Variants in LINC00632 observed in about 807,000 individuals in gnomAD.
LINC00632 encodes long independently transcribed non-coding RNA 632.
chrX:140,732,487 C>A (rs1378599600), intron 2 of LINC00632, among the ~76,000 whole-genome samples: 3 of 111,751 alleles, frequency 2.7e-5, no homozygotes, highest in Admixed American at 1.9e-4. Context: ...CAGACTTGCA[C>A]CCTCACGTGT....
At chrX:140,724,876 TACACACACATTCCATACAC>T (rs765492273) in intron 2 of LINC00632, among the ~76,000 whole-genome samples, 7 of 75,009 alleles carry the variant, frequency 9.3e-5, no homozygotes, top group Non-Finnish European at 1.3e-4. Flanking sequence ...ACACATTCCA[TACACACACATTCCATACAC>T]ACACACACAC....
intron 2 of LINC00632, among the ~76,000 whole-genome samples, chrX:140,723,640 C>T (rs796277103): frequency 2.3e-5 from 1 of 43,534 alleles, no homozygotes; most frequent in African/African-American, 8.4e-5. Flanking sequence ...TACACACACA[C>T]ATTCCATACA....
chrX:140,721,981 T>C (rs1450902738), intron 2 of LINC00632, among the ~76,000 whole-genome samples: 1 of 110,657 alleles, frequency 9.0e-6, no homozygotes, highest in Non-Finnish European at 1.9e-5. Context: ...CAATCAGACT[T>C]GCCTGGCAAC....
intron 2 of LINC00632, among the ~76,000 whole-genome samples, chrX:140,720,392 C>T (rs1042823722): frequency 6.3e-5 from 7 of 111,430 alleles, no homozygotes; most frequent in Non-Finnish European, 1.1e-4. Context: ...TTATGCCACA[C>T]CTAGAATGAC....
intron 3 of LINC00632, among the ~76,000 whole-genome samples, chrX:140,743,542 A>T (rs1228723428): frequency 2.7e-5 from 3 of 110,845 alleles, no homozygotes; most frequent in Non-Finnish European, 5.7e-5. Flanking sequence ...ACCCAACATG[A>T]GTTGCGTGTG....
intron 2 of LINC00632, among the ~76,000 whole-genome samples, chrX:140,718,723 T>G (rs1691912924): frequency 8.9e-6 from 1 of 111,898 alleles, no homozygotes; most frequent in South Asian, 3.7e-4. Flanking sequence ...ACTGTACCTA[T>G]TCCGTAACGC....
chrX:140,781,687 C>T (rs1230917432), exon 5 of LINC00632, among the ~76,000 whole-genome samples: 2 of 111,646 alleles, frequency 1.8e-5, no homozygotes, highest in East Asian at 5.7e-4. Flanking sequence ...CTGGAATGTA[C>T]TTAACTTTAC....
chrX:140,767,551 A>G (rs1931712397), intron 3 of LINC00632, among the ~76,000 whole-genome samples: 1 of 112,066 alleles, frequency 8.9e-6, no homozygotes, highest in African/African-American at 3.2e-5. Flanking sequence ...AACATTGGCT[A>G]TGCAAGAGAA....
At chrX:140,726,643 A>C (rs950670924) in intron 2 of LINC00632, among the ~76,000 whole-genome samples, 7 of 111,043 alleles carry the variant, frequency 6.3e-5, no homozygotes, top group Non-Finnish European at 7.5e-5. Context: ...TAACATCACG[A>C]GCTCTTCCTA....
chrX:140,733,361 G>C (rs1275452261), intron 2 of LINC00632, among the ~76,000 whole-genome samples: 1 of 111,131 alleles, frequency 9.0e-6, no homozygotes, highest in Non-Finnish European at 1.9e-5. Flanking sequence ...ATGTCAAACT[G>C]TAATATTTAA....
chrX:140,716,126 T>A (rs1046741985), intron 2 of LINC00632: 5 of 111,914 alleles, frequency 4.5e-5, no homozygotes, highest in African/African-American at 1.6e-4. Context: ...AATGTAAAGA[T>A]TTCCATCACG....
At chrX:140,730,246 G>A (rs1476199198) in intron 2 of LINC00632, among the ~76,000 whole-genome samples, 3 of 109,355 alleles carry the variant, frequency 2.7e-5, no homozygotes, top group Non-Finnish European at 5.7e-5. Context: ...GCACAGATCG[G>A]CACCACAAGA....
At chrX:140,752,649 A>G (rs1045080903) in intron 3 of LINC00632, among the ~76,000 whole-genome samples, 2 of 112,380 alleles carry the variant, frequency 1.8e-5, no homozygotes, top group Non-Finnish European at 3.8e-5. Flanking sequence ...CCACTGTGCA[A>G]TTAAAGCAGA....
chrX:140,750,407 C>T (rs955565751), intron 3 of LINC00632, among the ~76,000 whole-genome samples: 4 of 109,813 alleles, frequency 3.6e-5, no homozygotes, highest in South Asian at 7.8e-4. Context: ...AGATTTTAAG[C>T]GTTGTCACCA....
At chrX:140,736,343 A>C (rs1479842027) in intron 3 of LINC00632, among the ~76,000 whole-genome samples, 1 of 110,497 alleles carries the variant, frequency 9.1e-6, no homozygotes, top group Non-Finnish European at 1.9e-5. Context: ...TTCTTGGAAT[A>C]ATTGACTAAG....
rs1215569004 is a variant in LINC00632 at position 140,733,304 on chromosome X, A to G, written n.105-574A>G. Among the ~76,000 whole-genome samples, 5 of 112,352 alleles carry G rather than the reference A, an allele frequency of 4.5e-5. No homozygotes were observed. The East Asian group carries it at 1.1e-3, about 25-fold the overall frequency. ...GAATCACAGAAATAGAAACATGTGC[A>G]TAGCCACATATAGAAAGATACATGG... On this transcript the variant is annotated intron_variant and non_coding_transcript_variant, in intron 2 of 4. Transcript: ENST00000648200.
At chrX:140,713,677 A>G (rs1930565415) in intron 2 of LINC00632, 1 of 339,628 alleles carries the variant, frequency 2.9e-6, no homozygotes, top group South Asian at 2.6e-5. Flanking sequence ...AGACATATCC[A>G]AAGGCACACC....
At chrX:140,788,440 A>G (rs1932050640) in exon 5 of LINC00632, among the ~76,000 whole-genome samples, 1 of 110,590 alleles carries the variant, frequency 9.0e-6, no homozygotes, top group Admixed American at 9.7e-5. Context: ...GTCTTTCATT[A>G]TTTTTTAAAG....
Position 140,773,903 on chromosome X carries a change from C to T in LINC00632, n.2017C>T, listed in dbSNP as rs958789228. 5.4e-5 allele frequency among the ~76,000 whole-genome samples: 6 copies of T among 112,104 alleles called. No homozygotes were observed. The East Asian group carries it at 1.1e-3, about 21-fold the overall frequency. On this transcript the variant is annotated non_coding_transcript_exon_variant, in exon 4 of 5. Transcript: ENST00000648200. Reference sequence around the variant, plus strand: ...TGAAAGTGGCTTGGCAACATTTCTCCGTTTGTAATGCTTTAACAGGTGTAG... The same window carrying T: ...TGAAAGTGGCTTGGCAACATTTCTCTGTTTGTAATGCTTTAACAGGTGTAG...
Sources: gnomAD v4.1 joint callset for allele counts (sites outside exome capture counted in the v4.1 genomes callset) on GRCh38, gnomAD v4.1.1 for gene constraint, MANE v1.5 for transcripts, NCBI Gene and HGNC (gene_info 2026-07-23, HGNC 2026-07-21) for gene names.